Variants in SEMA4D observed in about 807,000 individuals in gnomAD.
SEMA4D encodes semaphorin-4D.
A neutral mutation model predicts 74.8 loss-of-function variants in SEMA4D; 22 were observed. The observed-to-expected ratio is 0.29, with a 90% CI of 0.21 to 0.42. The LOEUF (loss-of-function observed/expected upper bound fraction) is 0.42. Among genes scored for constraint, SEMA4D ranks in the 10% least tolerant of loss-of-function variants. SEMA4D has a pLI of 1.00. For missense variants in SEMA4D, 937 were observed against 1,118.4 expected (o/e 0.84, Z 2.31); for synonymous variants, 445 against 463.7 (o/e 0.96, Z 0.52).
At chr9:89,403,119 C>G (rs1256612370) in intron 3 of SEMA4D, 103 bp from the exon 4 acceptor site, 11 of 1,345,352 alleles carry the variant, frequency 8.2e-6, no homozygotes, top group Non-Finnish European at 1.1e-5. Context: ...TGACAATGAG[C>G]ACGTCTGGGT....
At chr9:89,449,515 G>A (rs1024110224) in intron 2 of SEMA4D, 26 of 752,518 alleles carry the variant, frequency 3.5e-5, no homozygotes, top group African/African-American at 1.2e-4. Context: ...GAGGCAGAGG[G>A]GCGGCTCAGG....
intron 13 of SEMA4D, among the ~76,000 whole-genome samples, chr9:89,384,188 C>A (rs114911303): frequency 0.017 from 2,519 of 152,292 alleles, 86 homozygotes; most frequent in African/African-American, 0.057. Context: ...TATCTGCACA[C>A]CCACGTTCAC....
In SEMA4D at chr9:89,392,475, T is replaced by C. The variant is rs1293739246; in HGVS notation, c.570A>G (p.Arg190=). ...TCCTCAGAGGACTGTGGGAAGAATTTCGGGAGATGATGGGTTCACTTCCCA... is the reference window on the plus strand; with the variant it reads ...TCCTCAGAGGACTGTGGGAAGAATTCCGGGAGATGATGGGTTCACTTCCCA... ...NFLGSEPIIS[R]NSSHSPLRTE... is the part of the protein sequence containing the mutation. Residue 190 remains arginine, a synonymous_variant, in exon 8 of 16, where the codon CGA becomes CGG. Coordinates refer to ENST00000422704, the MANE Select transcript of SEMA4D (RefSeq NM_001371194.2). 1.2e-6 allele frequency: 2 copies of C among 1,613,932 alleles called. No individual in the cohort carries two copies. The highest frequency in any genetic ancestry group is 3.3e-5 in the Admixed American group (2 of 60,014).
chr9:89,439,988 C>G (rs528656862), intron 2 of SEMA4D, among the ~76,000 whole-genome samples: 251 of 152,336 alleles, frequency 1.6e-3, no homozygotes, highest in African/African-American at 5.7e-3. Context: ...CACCACAGCC[C>G]AAAAGTGGAC....
At chr9:89,454,457 A>G (rs1181830818) in intron 2 of SEMA4D, among the ~76,000 whole-genome samples, 1 of 152,016 alleles carries the variant, frequency 6.6e-6, no homozygotes, top group Non-Finnish European at 1.5e-5. Flanking sequence ...TCCACACCAG[A>G]TCTAGCAGGA....
Position 89,379,478 on chromosome 9 carries a change from G to A in SEMA4D, c.1815C>T (p.Gly605=), listed in dbSNP as rs761260031. The A allele has an allele frequency of 6.8e-6, 11 of 1,614,134 alleles. No individual in the cohort carries two copies. In the Admixed American group the frequency reaches 1.8e-4, roughly 27 times the overall value. The change falls in exon 16 of 16, where the codon GGC becomes GGT. Residue 605 remains glycine (G), a synonymous_variant. Coordinates refer to ENST00000422704, the MANE Select transcript of SEMA4D (RefSeq NM_001371194.2). ...AGTTGAAGATGAGCAAGTTTTTTCT[G>A]CCCATAAGACCGTACTTGGGGCTCT... ...KAESPKYGLM[G]RKNLLIFNLS...
At chr9:89,442,183 T>G (rs1851816854) in intron 2 of SEMA4D, among the ~76,000 whole-genome samples, 1 of 137,100 alleles carries the variant, frequency 7.3e-6, no homozygotes, top group Admixed American at 7.1e-5. Flanking sequence ...CATGGTTTGC[T>G]GCGCCGTACG....
chr9:89,386,609 T>C (rs909320695), intron 12 of SEMA4D, 127 bp from the exon 13 acceptor site: 1 of 613,612 alleles, frequency 1.6e-6, no homozygotes, highest in Non-Finnish European at 2.9e-6. Context: ...TAGAAAACAA[T>C]GATGATTTCG....
intron 2 of SEMA4D, among the ~76,000 whole-genome samples, chr9:89,448,916 G>A (rs142595229): frequency 2.6e-5 from 4 of 152,290 alleles, no homozygotes; most frequent in South Asian, 2.1e-4. Flanking sequence ...AAAGGGTTAC[G>A]TGGGGACCCT....
chr9:89,366,597 G>GTATC (rs1178342923), intron 16 of SEMA4D, among the ~76,000 whole-genome samples: 1 of 152,126 alleles, frequency 6.6e-6, no homozygotes, highest in African/African-American at 2.4e-5. Context: ...ATAATTCCAT[G>GTATC]TATCTATCTA....
intron 2 of SEMA4D, among the ~76,000 whole-genome samples, chr9:89,441,981 C>T (rs1322222025): frequency 1.3e-5 from 2 of 152,232 alleles, no homozygotes; most frequent in African/African-American, 4.8e-5. Context: ...TTTCTCTTCC[C>T]CATTGGACTG....
chr9:89,469,722 A>G (rs1859694948), intron 1 of SEMA4D, among the ~76,000 whole-genome samples: 2 of 152,242 alleles, frequency 1.3e-5, no homozygotes, highest in African/African-American at 2.4e-5. Context: ...ATTCATGATA[A>G]AAGCTTTCAG....
intron 16 of SEMA4D, among the ~76,000 whole-genome samples, chr9:89,370,881 GTGTC>G (rs747107513): frequency 5.1e-4 from 75 of 146,562 alleles, no homozygotes; most frequent in Admixed American, 1.4e-3. Flanking sequence ...TGTGGGGTGT[GTGTC>G]TGGGATGTGT....
rs114888557 is a variant in SEMA4D at position 89,459,794 on chromosome 9, G to A, written c.-309-3841C>T. Among the ~76,000 whole-genome samples the A allele has an allele frequency of 4.6e-3, 698 of 152,260 alleles. 3 individuals are homozygous for A. The highest frequency in any genetic ancestry group is 0.016 in the African/African-American group (666 of 41,522). On this transcript the variant is annotated intron_variant, in intron 1 of 15. Coordinates refer to ENST00000422704, the MANE Select transcript of SEMA4D (RefSeq NM_001371194.2). ...CTCAGCTGGTCAGAAAGGCCCACAC[G>A]CCACAAGACCCAGGCTAAGATTTGA...
At chr9:89,452,972 G>T (rs549401581) in intron 2 of SEMA4D, among the ~76,000 whole-genome samples, 1 of 152,346 alleles carries the variant, frequency 6.6e-6, no homozygotes, top group Non-Finnish European at 1.5e-5. Flanking sequence ...TCACAGGGCT[G>T]CAGCAGAGGA....
chr9:89,384,873 T>C, intron 13 of SEMA4D: 1 of 985,338 alleles, frequency 1.0e-6, no homozygotes, highest in Non-Finnish European at 1.2e-6. Flanking sequence ...AGCTGGGCCT[T>C]CCACCCCCAC....
Position 89,378,815 on chromosome 9 carries a change from G to T in SEMA4D, c.2478C>A (p.Val826=). ...ETEQDTITSK[V]PTDREDSQRI... ...TCTGTGAGTCCTCCCTATCCGTGGG[G>T]ACTTTGCTGGTGATGGTGTCTTGCT... Residue 826 remains valine (V), a synonymous_variant, in exon 16 of 16, where the codon GTC becomes GTA. Coordinates refer to ENST00000422704, the MANE Select transcript of SEMA4D (RefSeq NM_001371194.2). 6.2e-7 allele frequency: 1 copy of T among 1,614,220 alleles called. No individual in the cohort carries two copies. Among genetic ancestry groups the T allele is most frequent in the Non-Finnish European group, 8.5e-7 (1 of 1,180,042 alleles).
chr9:89,362,248 C>T, exon 19 of SEMA4D: 3 of 1,311,992 alleles, frequency 2.3e-6, no homozygotes, highest in Non-Finnish European at 3.3e-6. Context: ...CGCCTCTGCC[C>T]ATCAGGTGGT....
At chr9:89,494,515 T>G (rs1825861394) in intron 1 of SEMA4D, among the ~76,000 whole-genome samples, 1 of 152,206 alleles carries the variant, frequency 6.6e-6, no homozygotes, top group Non-Finnish European at 1.5e-5. Context: ...GAGGGCACAT[T>G]CTCTATAGTC....
Sources: allele counts gnomAD v4.1 joint callset (sites outside exome capture counted in the v4.1 genomes callset), GRCh38; gene constraint gnomAD v4.1.1; transcripts MANE v1.5; gene names NCBI Gene and HGNC (gene_info 2026-07-23, HGNC 2026-07-21).